The following COL5A2 variants were observed in gnomAD, a reference collection of about 807,000 sequenced individuals.
COL5A2 encodes the protein collagen type V alpha 2 chain.
COL5A2 carries 23 observed loss-of-function variants against 208.2 expected under a neutral mutation model. The ratio of observed to expected loss-of-function variants is 0.11; its 90% CI spans 0.08 to 0.16. The LOEUF (loss-of-function observed/expected upper bound fraction) is 0.16, where lower values mean the gene tolerates loss of function less well. COL5A2 is among the 10% of genes least tolerant of loss of function. The pLI is 1.00. For synonymous variants in COL5A2, 625 were observed against 628.5 expected (o/e 0.99, Z 0.08); for missense variants, 1,590 against 1,956.4 (o/e 0.81, Z 3.53).
chr2:189,320,000 T>C, the COL5A2 span, among the ~76,000 whole-genome samples: 4 of 152,244 alleles, frequency 2.6e-5, no homozygotes, highest in Non-Finnish European at 4.4e-5. Flanking sequence ...CAACATTTGC[T>C]GTTCAGCAAT....
intron 47 of COL5A2, among the ~76,000 whole-genome samples, chr2:189,044,646 C>T (rs1685626021): frequency 1.3e-5 from 2 of 152,168 alleles, no homozygotes; most frequent in African/African-American, 2.4e-5. Flanking sequence ...TGAGAACAGA[C>T]ATTGATTTAC....
chr2:189,432,123 A>T, the COL5A2 span, among the ~76,000 whole-genome samples: 1 of 152,200 alleles, frequency 6.6e-6, no homozygotes, highest in Non-Finnish European at 1.5e-5. Context: ...GGAGAAATGA[A>T]ATCCTTTACC....
At chr2:189,239,515 T>C in the COL5A2 span, among the ~76,000 whole-genome samples, 1 of 150,980 alleles carries the variant, frequency 6.6e-6, no homozygotes, top group African/African-American at 2.4e-5. Flanking sequence ...GCAACGTTTC[T>C]GGCTTAAAAA....
chr2:189,051,081 G>A (rs1685776812), intron 42 of COL5A2, among the ~76,000 whole-genome samples: 1 of 151,892 alleles, frequency 6.6e-6, no homozygotes, highest in African/African-American at 2.4e-5. Context: ...CATACACAAT[G>A]AACATTTAAC....
At chr2:189,336,258 T>C in the COL5A2 span, among the ~76,000 whole-genome samples, 1 of 152,178 alleles carries the variant, frequency 6.6e-6, no homozygotes, top group African/African-American at 2.4e-5. Flanking sequence ...GGCAAGGATG[T>C]GGAACAAATG....
chr2:189,342,514 T>TA, the COL5A2 span, among the ~76,000 whole-genome samples: 10 of 148,522 alleles, frequency 6.7e-5, no homozygotes, highest in Non-Finnish European at 1.2e-4. Context: ...TATATACATA[T>TA]ATATAAACCC....
the COL5A2 span, among the ~76,000 whole-genome samples, chr2:189,407,406 A>T: frequency 1.3e-5 from 2 of 151,908 alleles, no homozygotes; most frequent in Non-Finnish European, 2.9e-5. Flanking sequence ...AGGTTTTAAA[A>T]ATGTTCTTAA....
At chr2:189,398,816 G>T in the COL5A2 span, among the ~76,000 whole-genome samples, 1 of 151,842 alleles carries the variant, frequency 6.6e-6, no homozygotes, top group Non-Finnish European at 1.5e-5. Context: ...GCATTATTTT[G>T]GATTGTGTGG....
the COL5A2 span, among the ~76,000 whole-genome samples, chr2:189,250,279 A>ATAACACCCC: frequency 6.6e-6 from 1 of 152,188 alleles, no homozygotes; most frequent in African/African-American, 2.4e-5. Flanking sequence ...GGTTACTACT[A>ATAACACCCC]TAACACCCCA....
chr2:189,342,169 C>T, the COL5A2 span, among the ~76,000 whole-genome samples: 6 of 147,698 alleles, frequency 4.1e-5, no homozygotes. Flanking sequence ...TAAGCAAAAC[C>T]AATTCAGTTT....
chr2:189,051,395 A>T lies in COL5A2; in HGVS notation c.2856T>A (p.Arg952=), dbSNP rs145568051. The change falls in exon 42 of 54, where the codon CGT becomes CGA. Residue 952 remains arginine, a synonymous_variant. Coordinates refer to ENST00000374866, the MANE Select transcript of COL5A2 (RefSeq NM_000393.5). ...GGCCAGCTGGTCCTCGATCTCCCAC[A>T]CGCCCATGAGAGCCAGGGTCCCCAC... ...GLRGDPGSHG[R]VGDRGPAGPP... 1.2e-6 allele frequency: 2 copies of T among 1,613,746 alleles called. No individual in the cohort carries two copies. Among genetic ancestry groups the T allele is most frequent in the African/African-American group, 2.7e-5 (2 of 74,854 alleles).
chr2:189,264,237 T>C, the COL5A2 span, among the ~76,000 whole-genome samples: 1 of 152,088 alleles, frequency 6.6e-6, no homozygotes, highest in Non-Finnish European at 1.5e-5. Flanking sequence ...TATAAAATTT[T>C]ATTGAAATTC....
chr2:189,226,446 G>A (rs188435977), upstream of COL5A2, among the ~76,000 whole-genome samples: 4 of 152,254 alleles, frequency 2.6e-5, no homozygotes, highest in Admixed American at 2.6e-4. Context: ...ATTGAAGCAA[G>A]TAGAAGAATT....
At chr2:189,275,603 G>A in the COL5A2 span, among the ~76,000 whole-genome samples, 4 of 151,752 alleles carry the variant, frequency 2.6e-5, no homozygotes, top group Non-Finnish European at 5.9e-5. Flanking sequence ...ACAGGCACGC[G>A]CCACCACCCT....
At chr2:189,088,844 A>G (rs1434977266) in intron 7 of COL5A2, 72 bp from the exon 8 acceptor site, 46 of 1,095,938 alleles carry the variant, frequency 4.2e-5, no homozygotes, top group Non-Finnish European at 6.4e-5. Flanking sequence ...ATATGGATAA[A>G]TGTACACTCT....
intron 36 of COL5A2, 61 bp from the exon 37 acceptor site, chr2:189,054,009 A>C: frequency 6.6e-7 from 1 of 1,525,952 alleles, no homozygotes; most frequent in African/African-American, 1.4e-5. Flanking sequence ...ATTTTAGGAC[A>C]TTGGTCACTG....
the COL5A2 span, among the ~76,000 whole-genome samples, chr2:189,319,472 C>G: frequency 6.6e-6 from 1 of 152,262 alleles, no homozygotes; most frequent in African/African-American, 2.4e-5. Context: ...CACACTAATA[C>G]TGCGCTTTTC....
chr2:189,193,190 G>C (rs1688952313), intron 1 of COL5A2, among the ~76,000 whole-genome samples: 1 of 152,162 alleles, frequency 6.6e-6, no homozygotes, highest in African/African-American at 2.4e-5. Flanking sequence ...AGCAGACTAA[G>C]AAATCAATAA....
intron 1 of COL5A2, among the ~76,000 whole-genome samples, chr2:189,199,618 A>G (rs1166951981): frequency 1.3e-5 from 2 of 152,320 alleles, no homozygotes; most frequent in East Asian, 3.9e-4. Flanking sequence ...AATCTAGAAC[A>G]GCCACAAAGT....
Sources: allele counts gnomAD v4.1 joint callset (sites outside exome capture counted in the v4.1 genomes callset), GRCh38; gene constraint gnomAD v4.1.1; transcripts MANE v1.5; gene names NCBI Gene and HGNC (gene_info 2026-07-23, HGNC 2026-07-21).